Variants in HIGD1C observed in about 807,000 individuals in gnomAD.
HIGD1C encodes the protein HIG1 domain family member 1C.
A neutral mutation model predicts 13.1 loss-of-function variants in HIGD1C; 11 were observed. The ratio of observed to expected loss-of-function variants is 0.84; its 90% CI spans 0.53 to 1.39. HIGD1C has a LOEUF of 1.39. HIGD1C is among the 40% of genes most tolerant of loss of function. The pLI is 0.00. For synonymous variants in HIGD1C, 36 were observed against 37.7 expected, an observed-to-expected ratio of 0.95 and a Z score of 0.17; for missense variants, 110 against 112.0, an observed-to-expected ratio of 0.98 and a Z score of 0.08.
At chr12:50,945,679 C>G in the HIGD1C span, among the ~76,000 whole-genome samples, 1 of 152,104 alleles carries the variant, frequency 6.6e-6, no homozygotes, top group Non-Finnish European at 1.5e-5. Flanking sequence ...AGATTCAATG[C>G]CATCCCCATC....
At chr12:50,938,110 C>T in the HIGD1C span, among the ~76,000 whole-genome samples, 3 of 152,098 alleles carry the variant, frequency 2.0e-5, no homozygotes, top group Non-Finnish European at 2.9e-5. Flanking sequence ...TTCCTCCCTC[C>T]GCCATCAATA....
intron 2 of HIGD1C, among the ~76,000 whole-genome samples, chr12:50,961,310 T>C (rs759905984): frequency 1.3e-5 from 2 of 152,124 alleles, no homozygotes; most frequent in South Asian, 2.1e-4. Flanking sequence ...ACAAAACCTA[T>C]GGTAGAAAAC....
chr12:50,949,924 A>G (rs1483521896), upstream of HIGD1C, among the ~76,000 whole-genome samples: 1 of 152,112 alleles, frequency 6.6e-6, no homozygotes, highest in Non-Finnish European at 1.5e-5. Flanking sequence ...ACTTCCAGAC[A>G]CTTCTAATGT....
downstream of HIGD1C, among the ~76,000 whole-genome samples, chr12:50,970,866 CTTTTCTTTA>C (rs1295057750): frequency 6.8e-6 from 1 of 147,886 alleles, no homozygotes; most frequent in Non-Finnish European, 1.5e-5. Context: ...GAAGACTTCT[CTTTTCTTTA>C]TTTTATTTTA....
the HIGD1C span, among the ~76,000 whole-genome samples, chr12:50,946,061 A>G: frequency 5.6e-4 from 86 of 152,278 alleles, 1 homozygote; most frequent in Middle Eastern, 6.8e-3. Context: ...CCTTCCTTAC[A>G]CCTTATACCA....
At chr12:50,952,539 C>T (rs112784414), upstream of HIGD1C, among the ~76,000 whole-genome samples, 7 of 152,290 alleles carry the variant, frequency 4.6e-5, no homozygotes, top group African/African-American at 1.2e-4. Context: ...GCAAAGGCCA[C>T]GTCCACCACC....
chr12:50,969,837 G>A (rs1206415306), intron 2 of HIGD1C, among the ~76,000 whole-genome samples: 2 of 152,172 alleles, frequency 1.3e-5, no homozygotes, highest in African/African-American at 4.8e-5. Flanking sequence ...GTGGTGGTAT[G>A]TGAGTTGTAG....
At chr12:50,968,714 G>A (rs1939643258) in intron 2 of HIGD1C, among the ~76,000 whole-genome samples, 1 of 151,876 alleles carries the variant, frequency 6.6e-6, no homozygotes, top group Non-Finnish European at 1.5e-5. Context: ...GCTAATTTTT[G>A]TATTTTTAGT....
the HIGD1C span, among the ~76,000 whole-genome samples, chr12:50,947,170 G>C: frequency 6.6e-6 from 1 of 152,114 alleles, no homozygotes; most frequent in African/African-American, 2.4e-5. Flanking sequence ...CCTACCCTGT[G>C]GAGCAGACTG....
the HIGD1C span, among the ~76,000 whole-genome samples, chr12:50,947,765 C>T: frequency 1.3e-5 from 2 of 152,140 alleles, no homozygotes; most frequent in Non-Finnish European, 2.9e-5. Context: ...ATGGGACCTT[C>T]AGTGAGGCAT....
the HIGD1C span, among the ~76,000 whole-genome samples, chr12:50,943,674 C>A: frequency 1.3e-5 from 2 of 151,396 alleles, no homozygotes; most frequent in Non-Finnish European, 2.9e-5. Flanking sequence ...CGCGCCACTG[C>A]ACTCCAGCCT....
At chr12:50,961,665 T>C (rs1327023371) in intron 2 of HIGD1C, among the ~76,000 whole-genome samples, 3 of 152,226 alleles carry the variant, frequency 2.0e-5, no homozygotes, top group Non-Finnish European at 2.9e-5. Context: ...ATTCAGGTTA[T>C]ACCCAGAGCT....
At chr12:50,940,908 G>A in the HIGD1C span, among the ~76,000 whole-genome samples, 1 of 151,478 alleles carries the variant, frequency 6.6e-6, no homozygotes, top group East Asian at 2.0e-4. Context: ...GCAGTGATAC[G>A]ATCACAGCTC....
Position 50,959,308 on chromosome 12 carries a change from G to A in HIGD1C, c.95-1660G>A, listed in dbSNP as rs529720919. Among the ~76,000 whole-genome samples, 381 of 151,706 alleles carry A rather than the reference G, an allele frequency of 2.5e-3. 2 individuals are homozygous for A. The highest frequency in any genetic ancestry group is 8.0e-3 in the African/African-American group (333 of 41,424). On this transcript the variant is annotated intron_variant, in intron 1 of 2. Coordinates refer to ENST00000398455, the Ensembl canonical transcript of HIGD1C. ...CTAATTTTGTATTTTTAGTAGAGAT[G>A]GGGGTTTCTCCATGTTGGTCAGGCT...
chr12:50,953,665 A>G (rs1401108025), upstream of HIGD1C, among the ~76,000 whole-genome samples: 1 of 152,244 alleles, frequency 6.6e-6, no homozygotes, highest in East Asian at 1.9e-4. Context: ...GTGCTTGTGG[A>G]AGAAGTCCTG....
chr12:50,957,651 G>A (rs371076499), intron 1 of HIGD1C, among the ~76,000 whole-genome samples: 5 of 151,876 alleles, frequency 3.3e-5, no homozygotes, highest in African/African-American at 9.7e-5. Flanking sequence ...TTGGGAGGCC[G>A]AGGTGGGCAG....
the HIGD1C span, among the ~76,000 whole-genome samples, chr12:50,940,885 C>T: frequency 1.3e-5 from 2 of 151,808 alleles, no homozygotes; most frequent in Admixed American, 6.6e-5. Context: ...CACTCTGTCA[C>T]CCAGACTGGA....
chr12:50,955,779 A>T (rs1053101511), intron 1 of HIGD1C, among the ~76,000 whole-genome samples: 4 of 152,236 alleles, frequency 2.6e-5, no homozygotes, highest in African/African-American at 9.6e-5. Context: ...AGTTAAAAAA[A>T]ATTCGAAAAC....
chr12:50,936,159 C>CAAA, the HIGD1C span, among the ~76,000 whole-genome samples: 2,303 of 129,222 alleles, frequency 0.018, 68 homozygotes, highest in African/African-American at 0.058. Context: ...AACACCGTCT[C>CAAA]AAAAAAAAAA....
Sources: gnomAD v4.1 joint callset for allele counts (sites outside exome capture counted in the v4.1 genomes callset) on GRCh38, gnomAD v4.1.1 for gene constraint, MANE v1.5 for transcripts, NCBI Gene and HGNC (gene_info 2026-07-23, HGNC 2026-07-21) for gene names.